The following GABRG2 variants were observed in gnomAD, a reference collection of about 807,000 sequenced individuals.
GABRG2 encodes the protein gamma-aminobutyric acid type A receptor subunit gamma2.
Under a neutral mutation model 56.4 loss-of-function variants are expected in GABRG2, and 16 were observed. The ratio of observed to expected loss-of-function variants is 0.28; its 90% CI spans 0.19 to 0.43. The LOEUF (loss-of-function observed/expected upper bound fraction) is 0.43, where lower values mean the gene tolerates loss of function less well. Ranked by LOEUF, GABRG2 falls within the 20% of genes least tolerant of loss-of-function variation. The pLI is 1.00. For synonymous variants in GABRG2, 208 were observed against 205.5 expected (o/e 1.01, Z -0.10); for missense variants, 327 against 582.7 (o/e 0.56, Z 4.52).
intron 4 of GABRG2, chr5:162,100,190 A>G (rs1761311441): frequency 6.6e-6 from 1 of 152,098 alleles, no homozygotes; most frequent in African/African-American, 2.4e-5. Context: ...CACTCTACCC[A>G]GTGCTTCATA....
intron 6 of GABRG2, among the ~76,000 whole-genome samples, chr5:162,116,750 A>G (rs1762651728): frequency 6.6e-6 from 1 of 151,918 alleles, no homozygotes; most frequent in South Asian, 2.1e-4. Context: ...CCCAGTCACC[A>G]GATCTCATGG....
intron 1 of GABRG2, among the ~76,000 whole-genome samples, chr5:162,069,689 T>C (rs182879268): frequency 6.5e-4 from 99 of 152,322 alleles, no homozygotes; most frequent in African/African-American, 2.3e-3. Flanking sequence ...TTATAACATT[T>C]CAGTAGCTTT....
At chr5:162,079,626 A>G (rs1382027206) in intron 1 of GABRG2, among the ~76,000 whole-genome samples, 1 of 151,812 alleles carries the variant, frequency 6.6e-6, no homozygotes, top group Non-Finnish European at 1.5e-5. Context: ...TAAAAAAATA[A>G]TATATATAAT....
chr5:162,095,184 A>G lies in GABRG2; in HGVS notation c.260-311A>G, dbSNP rs187481699. On this transcript the variant is annotated intron_variant, in intron 2 of 9. Transcript: ENST00000639213. ...TGAAGGAAACATGGTAAAATTCAAG[A>G]TATCTGAGAGAAAGATGGAGAAAAG... Among the ~76,000 whole-genome samples, 659 of 152,316 alleles carry G rather than the reference A, an allele frequency of 4.3e-3. 8 individuals carry two copies. Among genetic ancestry groups the G allele is most frequent in the African/African-American group, 0.015 (627 of 41,588 alleles).
chr5:162,139,816 T>C (rs1302440216), intron 6 of GABRG2, among the ~76,000 whole-genome samples: 1 of 152,140 alleles, frequency 6.6e-6, no homozygotes, highest in African/African-American at 2.4e-5. Context: ...ACTGGGAAAA[T>C]AGGAGAAAAG....
chr5:162,108,007 C>T (rs1761958728), intron 6 of GABRG2, among the ~76,000 whole-genome samples: 1 of 152,156 alleles, frequency 6.6e-6, no homozygotes. Context: ...CTAGCACTTA[C>T]TAAGCACTAA....
chr5:162,100,424 A>G (rs1761330275), intron 4 of GABRG2: 1 of 152,128 alleles, frequency 6.6e-6, no homozygotes, highest in African/African-American at 2.4e-5. Context: ...TCATCAACCC[A>G]TTACCATTAC....
intron 6 of GABRG2, among the ~76,000 whole-genome samples, chr5:162,141,166 A>G (rs1314152765): frequency 6.6e-6 from 1 of 151,878 alleles, no homozygotes; most frequent in Non-Finnish European, 1.5e-5. Flanking sequence ...CCTCCCGAGT[A>G]GCTGGGACTA....
At chr5:162,118,123 C>T (rs1762746023) in intron 6 of GABRG2, among the ~76,000 whole-genome samples, 1 of 151,256 alleles carries the variant, frequency 6.6e-6, no homozygotes. Context: ...ATTTTTTCTC[C>T]TCAACTCTTT....
upstream of GABRG2, chr5:162,067,593 AAAAC>A (rs1238545917): frequency 3.7e-5 from 17 of 461,860 alleles, no homozygotes; most frequent in East Asian, 4.1e-4. Flanking sequence ...AAAAAAAATC[AAAAC>A]AAACAAATAA....
chr5:162,108,371 A>G (rs1211107659), intron 6 of GABRG2, among the ~76,000 whole-genome samples: 1 of 152,178 alleles, frequency 6.6e-6, no homozygotes, highest in Admixed American at 6.6e-5. Flanking sequence ...ACAATTTCCC[A>G]GCTTGTGAAA....
intron 1 of GABRG2, 70 bp downstream of exon 1, chr5:162,068,176 C>T: frequency 1.0e-6 from 1 of 999,346 alleles, no homozygotes; most frequent in Non-Finnish European, 1.6e-6. Context: ...AGGGGTAACT[C>T]GGGAGACCAC....
Position 162,146,552 on chromosome 5 carries a change from T to G in GABRG2, c.923-2556T>G, listed in dbSNP as rs1459538865. 2.0e-5 allele frequency among the ~76,000 whole-genome samples: 3 copies of G among 151,988 alleles called. No individual in the cohort carries two copies. The East Asian group carries it at 5.8e-4, about 29-fold the overall frequency. On this transcript the variant is annotated intron_variant, in intron 7 of 9. Transcript: ENST00000639213. ...TGGATTCCTATTCTCAAACATAGATTGAGCATCTTTGATCTTTCATGTATA... is the reference window on the plus strand; with the variant it reads ...TGGATTCCTATTCTCAAACATAGATGGAGCATCTTTGATCTTTCATGTATA...
intron 6 of GABRG2, 117 bp downstream of exon 6, chr5:162,104,143 A>G: frequency 1.1e-6 from 1 of 950,528 alleles, no homozygotes; most frequent in Non-Finnish European, 1.7e-6. Flanking sequence ...AATTAAATGA[A>G]GTGTTTTAAC....
chr5:162,094,142 G>T, intron 2 of GABRG2, 163 bp downstream of exon 2: 1 of 708,722 alleles, frequency 1.4e-6, no homozygotes. Flanking sequence ...CTATGAGTGG[G>T]AGAGGTGTCA....
At chr5:162,147,718 G>A (rs757242528) in intron 7 of GABRG2, among the ~76,000 whole-genome samples, 12 of 152,154 alleles carry the variant, frequency 7.9e-5, no homozygotes, top group Non-Finnish European at 1.3e-4. Flanking sequence ...GAATCTGGCT[G>A]TCCCCTAGAA....
chr5:162,099,295 G>T (rs150536335), intron 4 of GABRG2: 3 of 152,098 alleles, frequency 2.0e-5, no homozygotes, highest in Admixed American at 2.0e-4. Context: ...TTGAGACAGG[G>T]TCTCACTGTG....
chr5:162,120,259 C>A (rs1002931971), intron 6 of GABRG2, among the ~76,000 whole-genome samples: 5 of 152,112 alleles, frequency 3.3e-5, no homozygotes, highest in Non-Finnish European at 7.3e-5. Flanking sequence ...ATACATCTGT[C>A]ATCTGTCTGT....
chr5:162,099,650 A>G (rs1320558467), intron 4 of GABRG2: 1 of 152,206 alleles, frequency 6.6e-6, no homozygotes, highest in East Asian at 1.9e-4. Flanking sequence ...ATATGAAGCC[A>G]ATCATACTAT....
Sources: gnomAD v4.1 joint callset for allele counts (sites outside exome capture counted in the v4.1 genomes callset) on GRCh38, gnomAD v4.1.1 for gene constraint, MANE v1.5 for transcripts, NCBI Gene and HGNC (gene_info 2026-07-23, HGNC 2026-07-21) for gene names.